ZNF492: variants seen among roughly 807,000 people sequenced by gnomAD.
The protein encoded by ZNF492 is zinc finger protein 492, also known as zinc finger protein 115 (Y20).
In ZNF492, 3 loss-of-function variants were observed where a neutral mutation model predicts 6.4. That is an observed-to-expected ratio of 0.47 (90% CI 0.21 to 1.22). ZNF492 has a LOEUF of 1.22. ZNF492 is among the 50% of genes most tolerant of loss of function. The pLI is 0.22. For synonymous variants in ZNF492, 112 were observed against 205.3 expected, an observed-to-expected ratio of 0.55 and a Z score of 3.89; for missense variants, 356 against 612.5, an observed-to-expected ratio of 0.58 and a Z score of 4.42.
chr19:22,654,348 ACT>A, intron 3 of ZNF492, among the ~76,000 whole-genome samples: 1 of 151,642 alleles, frequency 6.6e-6, no homozygotes, highest in South Asian at 2.1e-4. Flanking sequence ...ATTTTGAGAA[ACT>A]CTATGTTAAA....
chr19:22,657,229 C>T (rs1972005194), intron 3 of ZNF492, among the ~76,000 whole-genome samples: 2 of 152,104 alleles, frequency 1.3e-5, no homozygotes. Context: ...AGGATTTTCA[C>T]TCACTTTTGT....
rs1972140812 is a variant in ZNF492, at chr19:22,667,280, A to G, written c.*2015A>G. Reference sequence around the variant, plus strand: ...TGGTGGTAACAATACACTATTTGGTAAAAGAATGCACTAACATCTGTAGTA... The same window carrying G: ...TGGTGGTAACAATACACTATTTGGTGAAAGAATGCACTAACATCTGTAGTA... On this transcript the variant is annotated 3_prime_UTR_variant, in exon 4 of 4. Transcript: ENST00000456783. 2 of 152,202 alleles carry G rather than the reference A, an allele frequency of 1.3e-5. No homozygotes were observed. Among genetic ancestry groups the G allele is most frequent in the Non-Finnish European group, 2.9e-5 (2 of 68,028 alleles). The allele number at this position is 152,202 out of a possible 1,614,324, so 9.4% of individuals were successfully genotyped here.
intron 1 of ZNF492, among the ~76,000 whole-genome samples, chr19:22,648,024 G>A (rs372628239): frequency 1.8e-4 from 28 of 152,160 alleles, no homozygotes; most frequent in East Asian, 9.7e-4. Context: ...GTGAGTCACC[G>A]TTCCCCGACT....
chr19:22,652,603 G>T (rs1443788621), intron 1 of ZNF492, among the ~76,000 whole-genome samples: 1 of 147,834 alleles, frequency 6.8e-6, no homozygotes, highest in Non-Finnish European at 1.5e-5. Context: ...TTTTTGAGAC[G>T]GAGTCTCGCT....
rs1342891154 is a variant in ZNF492, at chr19:22,634,337, GCT to G, written c.-230_-229del. ...GGATGTGGCGGGGTCTTTGTCTCTC[GCT>G]GCAGTCGGAGTATGGTCTAGTGTTC... On this transcript the variant is annotated 5_prime_UTR_variant, in exon 1 of 4. Transcript: ENST00000456783. 13 of 970,600 alleles carry G rather than the reference GCT, an allele frequency of 1.3e-5. No individual in the cohort carries two copies. Among genetic ancestry groups the G allele is most frequent in the Non-Finnish European group, 2.0e-5 (13 of 654,800 alleles). The allele number at this position is 970,600 out of a possible 1,614,324, so 60.1% of individuals were successfully genotyped here. A position where few individuals can be genotyped will look rare whatever the true frequency, so the allele number is the denominator to read the frequency against.
rs760108674 is a variant in ZNF492 at position 22,643,143 on chromosome 19, G to A, written c.-94+8669G>A. ...AACAAAATTAGCCAGGCATGGTGGC[G>A]CATGCCTGTAGTTCCAGCTACTTGG... is the stretch of plus-strand genomic sequence containing the variant. On this transcript the variant is annotated intron_variant, in intron 1 of 3. Transcript: ENST00000456783. Among the ~76,000 whole-genome samples, 3 of 152,014 alleles carry A rather than the reference G, an allele frequency of 2.0e-5. 1 individual carries two copies. The highest frequency in any genetic ancestry group is 1.3e-4 in the Admixed American group (2 of 15,264).
At chr19:22,655,675 ATTTTTTT>A in intron 3 of ZNF492, among the ~76,000 whole-genome samples, 1 of 109,434 alleles carries the variant, frequency 9.1e-6, no homozygotes, top group Non-Finnish European at 1.8e-5. Flanking sequence ...CAGTGACTTA[ATTTTTTT>A]TTTTTTTTTT....
rs539589307 is a variant in ZNF492 at position 22,634,454 on chromosome 19, C to A, written c.-114C>A. 14 of 1,381,532 alleles carry A rather than the reference C, an allele frequency of 1.0e-5. No homozygotes were observed. In the South Asian group the frequency reaches 1.5e-4, roughly 15 times the overall value. The allele number at this position is 1,381,532 out of a possible 1,614,324, so 85.6% of individuals were successfully genotyped here. ...GAGATCCACAGCTAAGACGCTAGGA[C>A]CCCCTGGAAGCCTAGAAACGGTGAG... On this transcript the variant is annotated 5_prime_UTR_variant, in exon 1 of 4. Transcript: ENST00000456783.
In ZNF492 at chr19:22,666,479, C is replaced by T. The variant is rs1246386963; in HGVS notation, c.*1214C>T. The T allele has an allele frequency of 6.6e-6, 1 of 152,198 alleles. No individual in the cohort carries two copies. The highest frequency in any genetic ancestry group is 1.5e-5 in the Non-Finnish European group (1 of 68,052). 9.4% of individuals were successfully genotyped at this position (152,198 alleles called of 1,614,324 possible). ...ATGCTGCAATTACAGGTGTTAGCCA[C>T]TGCGCCTGCCTGATGTTGTTTCTTT... is the stretch of plus-strand genomic sequence containing the variant. On this transcript the variant is annotated 3_prime_UTR_variant, in exon 4 of 4. Transcript: ENST00000456783.
chr19:22,643,926 C>T (rs34682021), intron 1 of ZNF492, among the ~76,000 whole-genome samples: 29,455 of 152,040 alleles, frequency 0.19, 3,719 homozygotes, highest in African/African-American at 0.37. Flanking sequence ...GTGGCTCATA[C>T]TTTTGTTACT....
At chr19:22,637,252 C>G (rs372782123) in intron 1 of ZNF492, among the ~76,000 whole-genome samples, 4 of 152,078 alleles carry the variant, frequency 2.6e-5, no homozygotes, top group African/African-American at 9.7e-5. Flanking sequence ...GCTGGGATTA[C>G]AGGCGTGAGC....
intron 1 of ZNF492, among the ~76,000 whole-genome samples, chr19:22,637,257 G>A (rs58998018): frequency 0.19 from 29,342 of 151,870 alleles, 3,693 homozygotes; most frequent in African/African-American, 0.36. Flanking sequence ...GATTACAGGC[G>A]TGAGCCATTG....
At chr19:22,647,882 C>G (rs1199641282) in intron 1 of ZNF492, among the ~76,000 whole-genome samples, 1 of 151,806 alleles carries the variant, frequency 6.6e-6, no homozygotes, top group Non-Finnish European at 1.5e-5. Flanking sequence ...AGGTGCCCAC[C>G]ACCACACCTG....
intron 3 of ZNF492, among the ~76,000 whole-genome samples, chr19:22,656,115 G>A (rs1375888011): frequency 1.4e-5 from 2 of 144,738 alleles, no homozygotes; most frequent in East Asian, 2.0e-4. Flanking sequence ...GAGCCACCGC[G>A]CCTGGCCCTC....
rs1472716033 is a variant in ZNF492, at chr19:22,665,249, G to A, written c.1580G>A (p.Cys527Tyr). Residue 527 changes from cysteine to tyrosine, a missense_variant, in exon 4 of 4, where the codon TGT becomes TAT. This residue lies in a region of ZNF492 where 81 missense variants were observed against 115.4 expected (regional missense o/e 0.70). Coordinates refer to ENST00000456783, the MANE Select transcript of ZNF492 (RefSeq NM_020855.3). ...AAGATTTCCAAATATAAAAGAAATT[G>A]TGCTGGTGAGAAATAATAGAAATAT... ...IAKISKYKRN[C>Y]AGEK 6.4e-7 allele frequency: 1 copy of A among 1,572,418 alleles called. No homozygotes were observed. The highest frequency in any genetic ancestry group is 8.6e-7 in the Non-Finnish European group (1 of 1,158,716).
chr19:22,641,348 C>T (rs557543899), intron 1 of ZNF492, among the ~76,000 whole-genome samples: 79 of 152,218 alleles, frequency 5.2e-4, no homozygotes, highest in African/African-American at 1.9e-3. Flanking sequence ...GCCTTAATTT[C>T]ATTATTTACC....
intron 3 of ZNF492, among the ~76,000 whole-genome samples, chr19:22,654,936 A>G (rs974331348): frequency 8.6e-5 from 13 of 151,568 alleles, no homozygotes; most frequent in African/African-American, 2.9e-4. Flanking sequence ...AAAAAAAAAT[A>G]CTGGAATTTT....
intron 1 of ZNF492, among the ~76,000 whole-genome samples, chr19:22,645,031 G>C (rs895903676): frequency 1.3e-5 from 2 of 151,922 alleles, no homozygotes; most frequent in African/African-American, 2.4e-5. Flanking sequence ...CTTCTGAGAA[G>C]TGTTTGTTCA....
At position 22,650,090 on chromosome 19, in the gene ZNF492, C is replaced by T. The variant is rs112878218; in HGVS notation, c.-93-3217C>T. On this transcript the variant is annotated intron_variant, in intron 1 of 3. Transcript: ENST00000456783. ...TCATCTTCATGAGTTTGTCTAGTTT[C>T]GATCTTTGATGGGGTTCTTGTGGGG... 6.4e-3 allele frequency among the ~76,000 whole-genome samples: 967 copies of T among 152,220 alleles called. 10 individuals carry two copies. Among genetic ancestry groups the T allele is most frequent in the Non-Finnish European group, 5.7e-3 (391 of 68,006 alleles).
Sources: gnomAD v4.1 joint callset for allele counts (sites outside exome capture counted in the v4.1 genomes callset) on GRCh38, gnomAD v4.1.1 for gene constraint, gnomAD v4.1.1 regional missense constraint, MANE v1.5 for transcripts, NCBI Gene and HGNC (gene_info 2026-07-23, HGNC 2026-07-21) for gene names.